The following CCDC60 variants were observed in gnomAD, a reference collection of about 807,000 sequenced individuals.
The protein encoded by CCDC60 is coiled-coil domain containing 60, also known as coiled-coil domain-containing protein 60.
Under a neutral mutation model 63.5 loss-of-function variants are expected in CCDC60, and 54 were observed. That is an observed-to-expected ratio of 0.85 (90% confidence interval 0.68 to 1.07). The LOEUF (loss-of-function observed/expected upper bound fraction) is 1.07. CCDC60 is among the 50% of genes least tolerant of loss of function. CCDC60 has a pLI of 0.00. For synonymous variants in CCDC60, 206 were observed against 238.8 expected, an observed-to-expected ratio of 0.86 and a Z score of 1.27; for missense variants, 651 against 684.3, an observed-to-expected ratio of 0.95 and a Z score of 0.54.
intron 1 of CCDC60, among the ~76,000 whole-genome samples, chr12:119,362,187 G>T (rs1955798148): frequency 6.6e-6 from 1 of 152,048 alleles, no homozygotes; most frequent in Non-Finnish European, 1.5e-5. Context: ...TTAAGACTTG[G>T]AGGTTGATTC....
intron 1 of CCDC60, 60 bp downstream of exon 1, chr12:119,335,326 G>C (rs1955459599): frequency 7.7e-7 from 1 of 1,300,554 alleles, no homozygotes; most frequent in African/African-American, 1.5e-5. Context: ...ATAGGAATTA[G>C]CTGGGTCAAA....
chr12:119,507,529 CAT>C (rs1366041838), intron 7 of CCDC60, among the ~76,000 whole-genome samples: 4 of 118,880 alleles, frequency 3.4e-5, no homozygotes, highest in Non-Finnish European at 5.0e-5. Flanking sequence ...TATATATACA[CAT>C]ATATATACAC....
intron 1 of CCDC60, among the ~76,000 whole-genome samples, chr12:119,421,945 G>A (rs75255722): frequency 0.01 from 1,566 of 152,212 alleles, 25 homozygotes; most frequent in African/African-American, 0.036. Context: ...CCATCTAAGA[G>A]TCCACTGTTA....
At chr12:119,441,149 A>G (rs1054857371) in intron 2 of CCDC60, among the ~76,000 whole-genome samples, 3 of 152,192 alleles carry the variant, frequency 2.0e-5, no homozygotes, top group African/African-American at 4.8e-5. Context: ...TCCATGTTTT[A>G]GGGACAGCTG....
At chr12:119,400,547 T>C (rs1486828095) in intron 1 of CCDC60, among the ~76,000 whole-genome samples, 2 of 152,244 alleles carry the variant, frequency 1.3e-5, no homozygotes, top group East Asian at 3.8e-4. Flanking sequence ...CCTCTAAAGT[T>C]GGCATTATCA....
At chr12:119,363,423 C>CTGTGTGTGTGTGTG (rs5801335) in intron 1 of CCDC60, among the ~76,000 whole-genome samples, 33 of 150,658 alleles carry the variant, frequency 2.2e-4, no homozygotes, top group African/African-American at 6.8e-4. Flanking sequence ...TATGAGTCCT[C>CTGTGTGTGTGTGTG]TGTGTGTGTG....
At chr12:119,349,888 C>T (rs1955637521) in intron 1 of CCDC60, among the ~76,000 whole-genome samples, 1 of 152,210 alleles carries the variant, frequency 6.6e-6, no homozygotes, top group South Asian at 2.1e-4. Context: ...GCAGGAAGCT[C>T]TTCTCTGGAG....
intron 2 of CCDC60, among the ~76,000 whole-genome samples, chr12:119,436,151 G>C (rs563539236): frequency 6.6e-6 from 1 of 152,276 alleles, no homozygotes; most frequent in South Asian, 2.1e-4. Flanking sequence ...CTTCTCAGCG[G>C]GAACAGCTGC....
At chr12:119,373,661 G>GT (rs1294071269) in intron 1 of CCDC60, among the ~76,000 whole-genome samples, 2 of 125,210 alleles carry the variant, frequency 1.6e-5, no homozygotes, top group Non-Finnish European at 3.4e-5. Context: ...TCTCTCCGGG[G>GT]TGGGGTGGGG....
intron 1 of CCDC60, among the ~76,000 whole-genome samples, chr12:119,387,034 T>TCTCTCACACACACACACA (rs543330015): frequency 4.7e-5 from 5 of 105,404 alleles, no homozygotes; most frequent in African/African-American, 2.1e-4. Context: ...TCTGTCTCTC[T>TCTCTCACACACACACACA]CACACACACA....
chr12:119,360,980 A>G (rs1184479432), intron 1 of CCDC60, among the ~76,000 whole-genome samples: 1 of 152,132 alleles, frequency 6.6e-6, no homozygotes, highest in Non-Finnish European at 1.5e-5. Context: ...CCAAAAAAAT[A>G]CGAAAACCAG....
At chr12:119,497,187 T>G (rs1300785982) in intron 5 of CCDC60, among the ~76,000 whole-genome samples, 1 of 152,216 alleles carries the variant, frequency 6.6e-6, no homozygotes, top group East Asian at 1.9e-4. Context: ...ACACTTGCCT[T>G]CAGAGAGCAG....
At chr12:119,416,875 C>T (rs1170298235) in intron 1 of CCDC60, among the ~76,000 whole-genome samples, 6 of 152,072 alleles carry the variant, frequency 3.9e-5, no homozygotes, top group Non-Finnish European at 7.4e-5. Flanking sequence ...AATCCCAGCA[C>T]TTTGGGAGGC....
At chr12:119,483,019 G>T (rs117598422) in intron 4 of CCDC60, among the ~76,000 whole-genome samples, 57 of 152,312 alleles carry the variant, frequency 3.7e-4, no homozygotes, top group Non-Finnish European at 6.9e-4. Flanking sequence ...TGACAGTGAT[G>T]ATGATGGTGC....
intron 7 of CCDC60, among the ~76,000 whole-genome samples, chr12:119,507,537 TAC>T (rs1170080732): frequency 1.4e-4 from 14 of 96,726 alleles, no homozygotes; most frequent in African/African-American, 3.5e-4. Flanking sequence ...CACATATATA[TAC>T]ACATATATAT....
intron 13 of CCDC60, among the ~76,000 whole-genome samples, chr12:119,538,144 C>T (rs1403497325): frequency 6.6e-6 from 1 of 152,238 alleles, no homozygotes. Context: ...CCTCCCCCTG[C>T]CAGGCTGCTG....
intron 3 of CCDC60, among the ~76,000 whole-genome samples, chr12:119,473,272 T>G (rs1951102769): frequency 6.6e-6 from 1 of 152,146 alleles, no homozygotes; most frequent in Non-Finnish European, 1.5e-5. Context: ...GGAAAGGAAG[T>G]GCCAAGGCAG....
intron 1 of CCDC60, among the ~76,000 whole-genome samples, chr12:119,350,325 G>A (rs1398327318): frequency 2.0e-5 from 3 of 152,076 alleles, no homozygotes; most frequent in Admixed American, 2.0e-4. Context: ...AGCCTCCCAA[G>A]TAGCTGGGAT....
At chr12:119,520,214 A>T (rs1246947929) in intron 9 of CCDC60, 22 bp downstream of exon 9, 6 of 1,608,880 alleles carry the variant, frequency 3.7e-6, no homozygotes, top group Non-Finnish European at 4.3e-6. Context: ...TGGAGCCTGC[A>T]GCAGGTGCCT....
Sources: allele counts gnomAD v4.1 joint callset (sites outside exome capture counted in the v4.1 genomes callset), GRCh38; gene constraint gnomAD v4.1.1; transcripts MANE v1.5; gene names NCBI Gene and HGNC (gene_info 2026-07-23, HGNC 2026-07-21).